The following KIFC3 variants were observed in gnomAD, a reference collection of about 807,000 sequenced individuals.
The protein encoded by KIFC3 is kinesin-like protein KIFC3.
In KIFC3, 60 loss-of-function variants were observed where a neutral mutation model predicts 101.8. The ratio of observed to expected loss-of-function variants is 0.59; its 90% CI spans 0.48 to 0.73. KIFC3 has a LOEUF of 0.73. KIFC3 is among the 30% of genes least tolerant of loss of function. KIFC3 has a pLI of 0.00. For synonymous variants in KIFC3, 476 were observed against 482.7 expected (o/e 0.99, Z 0.18); for missense variants, 966 against 1,137.1 (o/e 0.85, Z 2.16).
In KIFC3 at chr16:57,798,224, G is replaced by C; in HGVS notation, c.20C>G (p.Thr7Arg). The C allele has an allele frequency of 6.4e-7, 1 of 1,550,502 alleles. No homozygotes were observed. The highest frequency in any genetic ancestry group is 8.7e-7 in the Non-Finnish European group (1 of 1,147,894). Residue 7 changes from threonine (T) to arginine (R), a missense_variant, in exon 2 of 20, where the codon ACG (threonine) becomes AGG (arginine). Around this residue, in one of 2 missense-constraint regions of KIFC3, gnomAD observed 277 missense variants for 252.5 expected, o/e 1.10. Coordinates refer to ENST00000445690, the MANE Select transcript of KIFC3 (RefSeq NM_001130100.2). MVPSRR[T>R]WNLGATPSLR... is the part of the protein sequence containing the mutation. ...CGAGGGCGTGGCTCCCAGGTTCCACGTCCTGCGAGAGGGGACCATGGCCTG... is the reference window on the plus strand; with the variant it reads ...CGAGGGCGTGGCTCCCAGGTTCCACCTCCTGCGAGAGGGGACCATGGCCTG...
chr16:57,776,637 G>A (rs754333714), intron 3 of KIFC3: 31 of 154,776 alleles, frequency 2.0e-4, no homozygotes, highest in Non-Finnish European at 3.8e-4. Flanking sequence ...GTTCAGCACT[G>A]TACTCCCAGT....
intron 3 of KIFC3, chr16:57,785,472 G>A (rs1555617107): frequency 7.8e-7 from 1 of 1,286,152 alleles, no homozygotes; most frequent in Admixed American, 2.3e-5. Flanking sequence ...ACCTGGTTCT[G>A]CAGCTGGGTG....
At chr16:57,840,870 GCCACCTC>G (rs2055792692) in intron 1 of KIFC3, among the ~76,000 whole-genome samples, 1 of 152,040 alleles carries the variant, frequency 6.6e-6, no homozygotes, top group Non-Finnish European at 1.5e-5. Flanking sequence ...GTCAAACCTG[GCCACCTC>G]CCACCTTTGT....
At chr16:57,825,245 A>T (rs2055434522) in intron 1 of KIFC3, among the ~76,000 whole-genome samples, 1 of 152,226 alleles carries the variant, frequency 6.6e-6, no homozygotes, top group South Asian at 2.1e-4. Flanking sequence ...CACCACCATC[A>T]GTCCTCATGA....
At chr16:57,847,264 A>G (rs1467513898) in intron 1 of KIFC3, among the ~76,000 whole-genome samples, 23 of 61,550 alleles carry the variant, frequency 3.7e-4, no homozygotes, top group Admixed American at 7.6e-4. Flanking sequence ...GGAAGGAAGG[A>G]AGGAAGGGAA....
intron 1 of KIFC3, among the ~76,000 whole-genome samples, chr16:57,850,939 T>TTCCC (rs200742627): frequency 1.4e-5 from 2 of 139,928 alleles, no homozygotes; most frequent in Non-Finnish European, 3.1e-5. Flanking sequence ...ACTTCTTTCC[T>TTCCC]TCCCTCCCTC....
intron 1 of KIFC3, among the ~76,000 whole-genome samples, chr16:57,824,089 C>T (rs1172899538): frequency 6.6e-6 from 1 of 152,204 alleles, no homozygotes; most frequent in Admixed American, 6.5e-5. Flanking sequence ...GGTGATCAAC[C>T]GTCCAGGTTT....
At chr16:57,789,254 C>T (rs911446981) in intron 3 of KIFC3, among the ~76,000 whole-genome samples, 1 of 152,248 alleles carries the variant, frequency 6.6e-6, no homozygotes, top group Non-Finnish European at 1.5e-5. Context: ...ACTCTCTCCG[C>T]CCCACAGGGC....
chr16:57,758,703 C>A lies in KIFC3; in HGVS notation c.*231G>T, dbSNP rs782276775. The A allele has an allele frequency of 9.3e-6, 7 of 756,226 alleles. No homozygotes were observed. In the South Asian group the frequency reaches 1.0e-4, roughly 11 times the overall value. The allele number at this position is 756,226 out of a possible 1,614,324, so 46.8% of individuals were successfully genotyped here. A position where few individuals can be genotyped will look rare whatever the true frequency, so the allele number is the denominator to read the frequency against. Reference sequence around the variant, plus strand: ...AGCCACCCCCGCCTTTCCGCCCATGCAATTTGCACTCAGAGCCACAGCCGA... The same window carrying A: ...AGCCACCCCCGCCTTTCCGCCCATGAAATTTGCACTCAGAGCCACAGCCGA... On this transcript the variant is annotated 3_prime_UTR_variant, in exon 20 of 20. Transcript: ENST00000445690.
At chr16:57,860,945 G>A (rs1310830862) in intron 1 of KIFC3, among the ~76,000 whole-genome samples, 1 of 152,032 alleles carries the variant, frequency 6.6e-6, no homozygotes, top group Admixed American at 6.6e-5. Context: ...CTCCTGAGCT[G>A]AAGAGATCCA....
Position 57,769,916 on chromosome 16 carries a change from G to GC in KIFC3, c.978dup (p.Gln327AlafsTer18). The GC allele has an allele frequency of 6.2e-7, 1 of 1,613,712 alleles. No individual in the cohort carries two copies. The highest frequency in any genetic ancestry group is 8.5e-7 in the Non-Finnish European group (1 of 1,180,028). ...AGGGACTGCATCTCCTCCAGCATCT[G>GC]CCCATGGGCCCGCTCCAGCTCTGAC... is the stretch of plus-strand genomic sequence containing the variant. On this transcript the variant is annotated frameshift_variant, in exon 8 of 20. Coordinates refer to ENST00000445690, the MANE Select transcript of KIFC3 (RefSeq NM_001130100.2). LOFTEE classifies it high-confidence loss of function. The surrounding 1 kb of genome is among the most constrained non-coding windows in gnomAD (Gnocchi z 4.3).
intron 3 of KIFC3, among the ~76,000 whole-genome samples, chr16:57,790,380 C>CA (rs545511762): frequency 1.8e-4 from 23 of 129,198 alleles, no homozygotes; most frequent in African/African-American, 6.1e-4. Flanking sequence ...CCATGCCCAG[C>CA]TTTTTTTTTT....
intron 2 of KIFC3, among the ~76,000 whole-genome samples, chr16:57,797,494 C>CG (rs1203380327): frequency 1.3e-5 from 2 of 152,186 alleles, no homozygotes; most frequent in East Asian, 3.9e-4. Context: ...GACAGCTCCC[C>CG]GGGGGGTACA....
chr16:57,823,805 T>TGTGTGTGTGTGTG (rs1568088586), intron 1 of KIFC3, among the ~76,000 whole-genome samples: 21 of 64,522 alleles, frequency 3.3e-4, no homozygotes, highest in East Asian at 8.3e-4. Context: ...GTGTGTGTGT[T>TGTGTGTGTGTGTG]TTTAGTAGAG....
intron 1 of KIFC3, among the ~76,000 whole-genome samples, chr16:57,823,289 CTGCTTTGAGT>C (rs2055389042): frequency 6.6e-6 from 1 of 152,196 alleles, no homozygotes; most frequent in Admixed American, 6.5e-5. Context: ...CTGGAAGCCC[CTGCTTTGAGT>C]TGCACCACTC....
chr16:57,856,870 C>T lies in KIFC3; in HGVS notation c.108+5859G>A, dbSNP rs371337318. 5.3e-5 allele frequency among the ~76,000 whole-genome samples: 8 copies of T among 152,250 alleles called. No individual in the cohort carries two copies. The East Asian group carries it at 7.7e-4, about 15-fold the overall frequency. On this transcript the variant is annotated intron_variant, in intron 1 of 2. Coordinates refer to the KIFC3 transcript ENST00000563028. ...TAGACAGACTAAATAGTCCTATATC[C>T]GTTAGAAGAAATTGAATTCATAGCT...
At chr16:57,846,838 A>G (rs1482350408) in intron 1 of KIFC3, among the ~76,000 whole-genome samples, 1 of 152,226 alleles carries the variant, frequency 6.6e-6, no homozygotes, top group Non-Finnish European at 1.5e-5. Context: ...GAGCAAAACA[A>G]AGAAATGACC....
At chr16:57,860,023 A>AAAAATAAAAT (rs2056260949) in intron 1 of KIFC3, among the ~76,000 whole-genome samples, 1 of 31,214 alleles carries the variant, frequency 3.2e-5, no homozygotes, top group Admixed American at 5.0e-4. Context: ...CTCTGTCTCA[A>AAAAATAAAAT]AAATAAAATA....
intron 1 of KIFC3, among the ~76,000 whole-genome samples, chr16:57,824,068 C>T (rs142212625): frequency 1.3e-5 from 2 of 152,370 alleles, no homozygotes; most frequent in African/African-American, 4.8e-5. Flanking sequence ...TGGTGGCAGG[C>T]TTCCAGGGAG....
Sources: allele counts gnomAD v4.1 joint callset (sites outside exome capture counted in the v4.1 genomes callset), GRCh38; gene constraint gnomAD v4.1.1; regional missense constraint gnomAD v4.1.1; non-coding constraint Gnocchi (gnomAD v3.1); transcripts MANE v1.5; gene names NCBI Gene and HGNC (gene_info 2026-07-23, HGNC 2026-07-21).